Variants in WSCD1 observed in about 807,000 individuals in gnomAD.
The protein encoded by WSCD1 is sialate:O-sulfotransferase 1.
In WSCD1, 41 loss-of-function variants were observed where a neutral mutation model predicts 60.4. The observed-to-expected ratio is 0.68, with a 90% CI of 0.53 to 0.88. WSCD1 has a LOEUF of 0.88. Among genes scored for constraint, WSCD1 ranks in the 40% least tolerant of loss-of-function variants. The pLI is 0.00. For synonymous variants in WSCD1, 361 were observed against 332.5 expected (o/e 1.09, Z -0.93); for missense variants, 784 against 796.2 (o/e 0.98, Z 0.18).
chr17:6,110,811 C>A lies in WSCD1; in HGVS notation c.1050C>A (p.Ser350=), dbSNP rs942884641. ...CTDRRFLPNK[S]KVFVALSSFP... ...ACAGGAGGTTCCTGCCTAACAAATC[C>A]AAAGTGTTTGTGGCTTTGTCAAGCT... The change falls in exon 7 of 9, where the codon TCC becomes TCA. Residue 350 remains serine (S), a synonymous_variant. Transcript: ENST00000317744. This position sits in a 1 kb window ranked among gnomAD's most constrained non-coding sequence, Gnocchi z 4.8. The A allele has an allele frequency of 4.3e-6, 7 of 1,613,932 alleles. No individual in the cohort carries two copies. The Admixed American group carries it at 1.2e-4, about 27-fold the overall frequency.
At chr17:6,095,270 G>C (rs1432713871) in intron 5 of WSCD1, 47 bp downstream of exon 5, 1 of 1,580,474 alleles carries the variant, frequency 6.3e-7, no homozygotes, top group East Asian at 2.3e-5. Context: ...AAGTGTGTGT[G>C]GTGGTCCTGA....
At chr17:6,079,306 C>T (rs1035871131) in intron 1 of WSCD1, among the ~76,000 whole-genome samples, 2 of 152,190 alleles carry the variant, frequency 1.3e-5, no homozygotes, top group Non-Finnish European at 2.9e-5. Context: ...GGCTTAGTCA[C>T]GCTTCTAGGG....
chr17:6,076,462 T>C (rs867733205), intron 1 of WSCD1, among the ~76,000 whole-genome samples: 18 of 152,184 alleles, frequency 1.2e-4, no homozygotes, highest in Admixed American at 3.9e-4. Context: ...CTCTTGAGTC[T>C]GACTTCACCA....
Position 6,080,070 on chromosome 17 carries a change from G to A in WSCD1, c.-288-301G>A, listed in dbSNP as rs1402769230. The A allele has an allele frequency of 1.3e-5, 2 of 153,694 alleles. No homozygotes were observed. Among genetic ancestry groups the A allele is most frequent in the African/African-American group, 2.4e-5 (1 of 41,458 alleles). 9.5% of individuals were successfully genotyped at this position (153,694 alleles called of 1,614,324 possible). ...GGGCTGAGGAAGAGCCCCTGCTGCT[G>A]TTCCTCCTCCCCCTTATTGATATTG... On this transcript the variant is annotated intron_variant, in intron 1 of 8. Transcript: ENST00000317744. This position sits in a 1 kb window ranked among gnomAD's most constrained non-coding sequence, Gnocchi z 6.6.
At chr17:6,119,900 A>C (rs924910060) in intron 8 of WSCD1, among the ~76,000 whole-genome samples, 6 of 152,192 alleles carry the variant, frequency 3.9e-5, no homozygotes, top group Non-Finnish European at 8.8e-5. Flanking sequence ...GCTGGAAAAG[A>C]AAGCTCATAA....
upstream of WSCD1, among the ~76,000 whole-genome samples, chr17:6,069,609 G>A (rs994656898): frequency 6.6e-6 from 1 of 152,070 alleles, no homozygotes; most frequent in Non-Finnish European, 1.5e-5. Context: ...CCCCGAGTGT[G>A]TAGACGCGGG....
chr17:6,109,811 G>C lies in WSCD1; in HGVS notation c.1009+45G>C, dbSNP rs762139821. 3 of 1,590,658 alleles carry C rather than the reference G, an allele frequency of 1.9e-6. No individual in the cohort carries two copies. In the East Asian group the frequency reaches 6.8e-5, roughly 36 times the overall value. On this transcript the variant is annotated intron_variant, in intron 6 of 8. Transcript: ENST00000317744. ...CTGGTAGTGGCATTTGGTCTGGGGGGTGGGGAGAGCTTCCAGGGTTTGGAG... is the reference window on the plus strand; with the variant it reads ...CTGGTAGTGGCATTTGGTCTGGGGGCTGGGGAGAGCTTCCAGGGTTTGGAG...
Position 6,110,789 on chromosome 17 carries a change from G to A in WSCD1, c.1028G>A (p.Arg343Lys). The change falls in exon 7 of 9, where the codon AGG (arginine) becomes AAG (lysine). Residue 343 changes from arginine to lysine, a missense_variant. Coordinates refer to ENST00000317744, the MANE Select transcript of WSCD1 (RefSeq NM_015253.2). This position sits in a 1 kb window ranked among gnomAD's most constrained non-coding sequence, Gnocchi z 4.8. ...CTTTCAGACACTCGTTGTACAGACAGGAGGTTCCTGCCTAACAAATCCAAA... is the reference window on the plus strand; with the variant it reads ...CTTTCAGACACTCGTTGTACAGACAAGAGGTTCCTGCCTAACAAATCCAAA... ...TPVQDTRCTD[R>K]RFLPNKSKVF... is the part of the protein sequence containing the mutation. 1 of 1,613,536 alleles carries A rather than the reference G, an allele frequency of 6.2e-7. No individual in the cohort carries two copies. The highest frequency in any genetic ancestry group is 1.1e-5 in the South Asian group (1 of 91,042).
chr17:6,072,135 G>A (rs1223090788), intron 1 of WSCD1, among the ~76,000 whole-genome samples: 1 of 152,244 alleles, frequency 6.6e-6, no homozygotes, highest in Non-Finnish European at 1.5e-5. Context: ...CTCTTCAGTG[G>A]GCATTGTGCC....
At chr17:6,086,970 G>C (rs973748087) in intron 2 of WSCD1, among the ~76,000 whole-genome samples, 1 of 152,188 alleles carries the variant, frequency 6.6e-6, no homozygotes, top group South Asian at 2.1e-4. Context: ...GCAGTGGTGC[G>C]CTCCCCAGGT....
chr17:6,083,016 G>C (rs1468909169), intron 2 of WSCD1, among the ~76,000 whole-genome samples: 1 of 152,184 alleles, frequency 6.6e-6, no homozygotes, highest in African/African-American at 2.4e-5. Flanking sequence ...TTCTCAGCAA[G>C]GCTCGTGTGT....
Position 6,096,218 on chromosome 17 carries a change from C to T in WSCD1, c.849+995C>T, listed in dbSNP as rs546032168. 3.9e-5 allele frequency among the ~76,000 whole-genome samples: 6 copies of T among 152,276 alleles called. No homozygotes were observed. In the East Asian group the frequency reaches 7.7e-4, roughly 20 times the overall value. On this transcript the variant is annotated intron_variant, in intron 5 of 8. Transcript: ENST00000317744. ...GGAAACTGAGGCAGAGGGTTTGAGC[C>T]GTGTGCCTGAGGTCACACAGCCAGT...
At chr17:6,091,187 C>T (rs1244669032) in intron 4 of WSCD1, among the ~76,000 whole-genome samples, 3 of 152,200 alleles carry the variant, frequency 2.0e-5, no homozygotes, top group Admixed American at 1.3e-4. Flanking sequence ...AGCCACGCAC[C>T]CATCCAGGAG....
intron 1 of WSCD1, among the ~76,000 whole-genome samples, chr17:6,077,175 G>A (rs890169486): frequency 2.0e-5 from 3 of 146,788 alleles, no homozygotes; most frequent in Non-Finnish European, 4.5e-5. Flanking sequence ...TGCAACCTCC[G>A]CCTCCCAGGT....
chr17:6,119,214 A>G (rs1361642047), intron 8 of WSCD1, among the ~76,000 whole-genome samples: 2 of 152,188 alleles, frequency 1.3e-5, no homozygotes, highest in South Asian at 2.1e-4. Flanking sequence ...TCTGGGCCCC[A>G]ACATCCAGAG....
At chr17:6,089,053 A>T (rs889388088) in intron 3 of WSCD1, among the ~76,000 whole-genome samples, 1 of 152,192 alleles carries the variant, frequency 6.6e-6, no homozygotes. Flanking sequence ...AAGTACTGGG[A>T]TTACAGGCGT....
intron 4 of WSCD1, among the ~76,000 whole-genome samples, chr17:6,092,861 TG>T (rs1246159229): frequency 6.6e-6 from 1 of 152,150 alleles, no homozygotes; most frequent in Non-Finnish European, 1.5e-5. Context: ...TCATGGTTAG[TG>T]TTGAAGATGG....
Position 6,080,887 on chromosome 17 carries a change from G to T in WSCD1, c.229G>T (p.Val77Phe), listed in dbSNP as rs772157802. ...LDSRALHDPR[V>F]SPELLLGVDM... ...CAGCAGAGCCCTGCACGACCCTCGA[G>T]TCAGCCCAGAGCTGCTGCTGGGTGT... Residue 77 changes from valine (V) to phenylalanine (F), a missense_variant, in exon 2 of 9, where the codon GTC (valine) becomes TTC (phenylalanine). By Grantham distance (50) the Val-to-Phe change is conservative. Coordinates refer to ENST00000317744, the MANE Select transcript of WSCD1 (RefSeq NM_015253.2). This position sits in a 1 kb window ranked among gnomAD's most constrained non-coding sequence, Gnocchi z 6.6. The T allele has an allele frequency of 3.7e-6, 6 of 1,602,116 alleles. No homozygotes were observed. Among genetic ancestry groups the T allele is most frequent in the Non-Finnish European group, 5.1e-6 (6 of 1,177,812 alleles).
rs1904785722 is a variant in WSCD1 at position 6,122,640 on chromosome 17, A to C, written c.*1979A>C. ...TGTCAGGCGTGGCAGTGGGGAAGCC[A>C]TGGAGGCTGGGAAGGGCAAAGTGTG... On this transcript the variant is annotated 3_prime_UTR_variant, in exon 9 of 9. Transcript: ENST00000317744. 1 of 152,754 alleles carries C rather than the reference A, an allele frequency of 6.5e-6. No individual in the cohort carries two copies. The highest frequency in any genetic ancestry group is 2.4e-5 in the African/African-American group (1 of 41,460). 9.5% of individuals were successfully genotyped at this position (152,754 alleles called of 1,614,324 possible).
Sources: gnomAD v4.1 joint callset for allele counts (sites outside exome capture counted in the v4.1 genomes callset) on GRCh38, gnomAD v4.1.1 for gene constraint, Gnocchi (gnomAD v3.1) non-coding constraint, MANE v1.5 for transcripts, NCBI Gene and HGNC (gene_info 2026-07-23, HGNC 2026-07-21) for gene names.